EYS: variants seen among roughly 807,000 people sequenced by gnomAD.
The protein encoded by EYS is EGF-like photoreceptor maintenance factor, also known as protein eyes shut homolog.
Under a neutral mutation model 282.1 loss-of-function variants are expected in EYS, and 250 were observed. That is an observed-to-expected ratio of 0.89 (90% CI 0.80 to 0.98). EYS has a LOEUF of 0.98. Ranked by LOEUF, EYS falls within the 50% of genes least tolerant of loss-of-function variation. EYS has a pLI of 0.00. For synonymous variants in EYS, 1,355 were observed against 1,282.9 expected (o/e 1.06, Z -1.20); for missense variants, 4,016 against 3,709.0 (o/e 1.08, Z -2.15).
At chr6:64,034,819 C>A (rs1020408565) in intron 33 of EYS, among the ~76,000 whole-genome samples, 1 of 151,798 alleles carries the variant, frequency 6.6e-6, no homozygotes, top group Non-Finnish European at 1.5e-5. Context: ...ACAAGCAACA[C>A]GAGGCATTCT....
chr6:65,532,884 G>T (rs1767828913), intron 2 of EYS, among the ~76,000 whole-genome samples: 7 of 152,076 alleles, frequency 4.6e-5, no homozygotes. Flanking sequence ...TGGTGAGAGT[G>T]TAAACTAGTT....
intron 26 of EYS, among the ~76,000 whole-genome samples, chr6:64,476,383 T>C (rs980920656): frequency 1.4e-4 from 21 of 151,980 alleles, no homozygotes; most frequent in African/African-American, 5.1e-4. Context: ...TTTTTTGAAG[T>C]AAGCTACCTG....
intron 29 of EYS, among the ~76,000 whole-genome samples, chr6:64,316,237 GAA>G (rs1424167429): frequency 1.3e-5 from 2 of 152,104 alleles, no homozygotes; most frequent in Non-Finnish European, 2.9e-5. Context: ...GCAAGATAAA[GAA>G]ATACAGGGTA....
intron 31 of EYS, among the ~76,000 whole-genome samples, chr6:64,139,840 G>T (rs1774281398): frequency 6.6e-6 from 1 of 151,802 alleles, no homozygotes. Context: ...GTGGTGGCAG[G>T]CGCCTGTAAT....
intron 33 of EYS, among the ~76,000 whole-genome samples, chr6:64,057,365 T>C (rs1771019658): frequency 6.6e-6 from 1 of 151,454 alleles, no homozygotes; most frequent in Admixed American, 6.6e-5. Flanking sequence ...TTTAGCTTCA[T>C]TTATAAAGTA....
At chr6:64,853,011 T>A (rs146499024) in intron 19 of EYS, among the ~76,000 whole-genome samples, 6 of 152,282 alleles carry the variant, frequency 3.9e-5, no homozygotes, top group Non-Finnish European at 8.8e-5. Context: ...CCTACAGTGA[T>A]AAATGAGAAT....
In EYS at chr6:64,591,093, T is replaced by A; in HGVS notation, c.4774A>T (p.Ile1592Leu). 3 of 1,551,312 alleles carry A rather than the reference T, an allele frequency of 1.9e-6. No homozygotes were observed. The highest frequency in any genetic ancestry group is 2.6e-6 in the Non-Finnish European group (3 of 1,146,806). ...ATTAGTGCATACCAGCTGGCTAATA[T>A]CGCTGAGTTCATCCAGAATGTCTCA... ...FYETFWMNSA[I>L]LASWYALMGA... The change falls in exon 26 of 43, where the codon ATA becomes TTA. Residue 1592 changes from isoleucine to leucine, a missense_variant. Physicochemically the swap from Ile to Leu is conservative, Grantham distance 5. Coordinates refer to ENST00000503581, the MANE Select transcript of EYS (RefSeq NM_001142800.2).
intron 31 of EYS, among the ~76,000 whole-genome samples, chr6:64,116,409 G>C (rs899195727): frequency 6.6e-6 from 1 of 152,058 alleles, no homozygotes; most frequent in South Asian, 2.1e-4. Flanking sequence ...TCCTATAGTA[G>C]ATACATAAAA....
chr6:64,593,459 G>C, intron 24 of EYS, 150 bp from the exon 25 acceptor site: 1 of 584,494 alleles, frequency 1.7e-6, no homozygotes, highest in Non-Finnish European at 2.7e-6. Flanking sequence ...AATCTCCATA[G>C]TAAATTTTAC....
intron 12 of EYS, among the ~76,000 whole-genome samples, chr6:65,267,498 T>C (rs1767789491): frequency 6.6e-6 from 1 of 152,036 alleles, no homozygotes; most frequent in Non-Finnish European, 1.5e-5. Flanking sequence ...GTGTTTTCCA[T>C]GGGGTTTCAC....
At chr6:65,521,842 A>G (rs565671957) in intron 2 of EYS, among the ~76,000 whole-genome samples, 22 of 152,296 alleles carry the variant, frequency 1.4e-4, no homozygotes, top group African/African-American at 5.1e-4. Context: ...CCTACTCATC[A>G]AAATATTCCC....
intron 28 of EYS, among the ~76,000 whole-genome samples, chr6:64,416,659 G>C (rs188549473): frequency 1.4e-4 from 22 of 151,988 alleles, no homozygotes; most frequent in Admixed American, 1.2e-3. Flanking sequence ...TAAGTGCTAA[G>C]AAATTGGAGG....
rs67123749 is a variant in EYS, at chr6:65,382,213, GTTT to G, written c.1299+2170_1299+2172del. Among the ~76,000 whole-genome samples, 5 of 105,004 alleles carry G rather than the reference GTTT, an allele frequency of 4.8e-5. No homozygotes were observed. In the East Asian group the frequency reaches 8.8e-4, roughly 18 times the overall value. The allele number at this position is 105,004 out of a possible 152,430, so 68.9% of individuals were successfully genotyped here. ...GTCATGAAGAACCTCATCCTTTGGT[GTTT>G]TTTTTTTTTTTTTTTTGCTCCATTT... is the stretch of plus-strand genomic sequence containing the variant. On this transcript the variant is annotated intron_variant, in intron 8 of 42. Transcript: ENST00000503581.
Position 64,560,261 on chromosome 6 carries a change from T to A in EYS, c.5644+29962A>T, listed in dbSNP as rs540745989. 6.6e-5 allele frequency among the ~76,000 whole-genome samples: 10 copies of A among 152,076 alleles called. No individual in the cohort carries two copies. In the South Asian group the frequency reaches 2.1e-3, roughly 31 times the overall value. On this transcript the variant is annotated intron_variant, in intron 26 of 42. Coordinates refer to ENST00000503581, the MANE Select transcript of EYS (RefSeq NM_001142800.2). ...AATCCTTATGATGTGTAGAAATTTA[T>A]TTTTTATGGTCAATTGTAGAAATCT...
chr6:65,195,383 G>A (rs1265937198), intron 12 of EYS, among the ~76,000 whole-genome samples: 1 of 151,956 alleles, frequency 6.6e-6, no homozygotes, highest in Non-Finnish European at 1.5e-5. Flanking sequence ...TCTTAATGCT[G>A]TGGTTTTACT....
chr6:64,703,410 C>CACACACACACACACAT (rs1447947508), intron 22 of EYS, among the ~76,000 whole-genome samples: 11 of 51,534 alleles, frequency 2.1e-4, no homozygotes, highest in African/African-American at 3.8e-4. Context: ...CACACACACA[C>CACACACACACACACAT]ATATATATAT....
intron 19 of EYS, among the ~76,000 whole-genome samples, chr6:64,835,311 CAT>C (rs1490246279): frequency 9.2e-5 from 14 of 151,588 alleles, no homozygotes; most frequent in Middle Eastern, 3.4e-3. Flanking sequence ...GAACTAGAAA[CAT>C]GTGCATAATA....
At chr6:64,446,862 T>C (rs778382849) in intron 26 of EYS, among the ~76,000 whole-genome samples, 3 of 151,982 alleles carry the variant, frequency 2.0e-5, no homozygotes, top group Non-Finnish European at 4.4e-5. Flanking sequence ...CTCCACAGTA[T>C]ATATCATTAG....
intron 31 of EYS, among the ~76,000 whole-genome samples, chr6:64,108,472 T>C (rs1264530574): frequency 1.3e-5 from 2 of 151,722 alleles, no homozygotes; most frequent in Non-Finnish European, 2.9e-5. Flanking sequence ...CCAAGCTCCT[T>C]ACATAATGGA....
Sources: allele counts gnomAD v4.1 joint callset (sites outside exome capture counted in the v4.1 genomes callset), GRCh38; gene constraint gnomAD v4.1.1; transcripts MANE v1.5; gene names NCBI Gene and HGNC (gene_info 2026-07-23, HGNC 2026-07-21).